ZFC3H1: variants seen among roughly 807,000 people sequenced by gnomAD.
ZFC3H1 encodes the protein zinc finger C3H1-type containing.
ZFC3H1 carries 71 observed loss-of-function variants against 243.7 expected under a neutral mutation model. The ratio of observed to expected loss-of-function variants is 0.29; its 90% confidence interval spans 0.24 to 0.36. The LOEUF is 0.36. Ranked by LOEUF, ZFC3H1 falls within the 10% of genes least tolerant of loss-of-function variation. The pLI, the probability that ZFC3H1 is intolerant of heterozygous loss-of-function variation, is 1.00. For synonymous variants in ZFC3H1, 838 were observed against 813.0 expected, an observed-to-expected ratio of 1.03 and a Z score of -0.52; for missense variants, 1,966 against 2,317.1, an observed-to-expected ratio of 0.85 and a Z score of 3.11.
chr12:71,628,835 C>T, intron 20 of ZFC3H1, 83 bp downstream of exon 20: 1 of 1,439,106 alleles, frequency 6.9e-7, no homozygotes, highest in Non-Finnish European at 9.1e-7. Context: ...CAGGCTGATA[C>T]ACCAAAGGAT....
At chr12:71,621,863 C>T (rs982709836) in intron 24 of ZFC3H1, among the ~76,000 whole-genome samples, 1 of 151,390 alleles carries the variant, frequency 6.6e-6, no homozygotes, top group East Asian at 1.9e-4. Context: ...CTCTAATATC[C>T]TCCTTACCAG....
chr12:71,638,427 A>G lies in ZFC3H1; in HGVS notation c.1716T>C (p.Pro572=). Residue 572 remains proline, a synonymous_variant, in exon 7 of 35, where the codon CCT becomes CCC. Coordinates refer to ENST00000378743, the MANE Select transcript of ZFC3H1 (RefSeq NM_144982.5). ...ATCAATTCTGACTTACAGAAACCTG[A>G]GGTGGTGGAGGCAAAGAAAGAGATG... The part of the protein sequence containing the change: ...PAPSLSLPPP[P]QVSSLPPLSQ... 3.1e-6 allele frequency: 5 copies of G among 1,611,976 alleles called. No individual in the cohort carries two copies. Among genetic ancestry groups the G allele is most frequent in the Non-Finnish European group, 3.4e-6 (4 of 1,179,260 alleles).
At chr12:71,633,639 G>C (rs1247619821) in intron 12 of ZFC3H1, among the ~76,000 whole-genome samples, 3 of 152,010 alleles carry the variant, frequency 2.0e-5, no homozygotes, top group African/African-American at 7.3e-5. Context: ...GTAACTATGA[G>C]ACTGATCTTT....
At chr12:71,622,504 C>G (rs559080501) in intron 24 of ZFC3H1, among the ~76,000 whole-genome samples, 2 of 151,908 alleles carry the variant, frequency 1.3e-5, no homozygotes, top group Admixed American at 1.3e-4. Flanking sequence ...ACTCTGTTAT[C>G]CAGGCTGAAG....
At chr12:71,634,333 T>C in intron 11 of ZFC3H1, 29 bp from the exon 12 acceptor site, 1 of 1,600,920 alleles carries the variant, frequency 6.2e-7, no homozygotes, top group African/African-American at 1.3e-5. Context: ...ATATATGCAT[T>C]ACACCCAAGA....
chr12:71,623,779 T>A (rs935218463), intron 23 of ZFC3H1, among the ~76,000 whole-genome samples, 182 bp from the exon 24 acceptor site: 1 of 152,178 alleles, frequency 6.6e-6, no homozygotes, highest in African/African-American at 2.4e-5. Flanking sequence ...AAAAAAAATC[T>A]TTTAAACCAC....
chr12:71,629,294 T>C (rs1443155195), intron 19 of ZFC3H1, among the ~76,000 whole-genome samples: 3 of 151,756 alleles, frequency 2.0e-5, no homozygotes, highest in African/African-American at 7.3e-5. Context: ...GCCTCCCAAG[T>C]AGCTGAGGCT....
intron 9 of ZFC3H1, 87 bp downstream of exon 9, chr12:71,636,403 C>A: frequency 7.8e-7 from 1 of 1,285,190 alleles, no homozygotes; most frequent in Non-Finnish European, 1.1e-6. Context: ...TATAAATAAA[C>A]CAAGGGGTAG....
intron 21 of ZFC3H1, 81 bp downstream of exon 21, chr12:71,627,670 C>A: frequency 1.5e-6 from 2 of 1,351,958 alleles, no homozygotes. Context: ...AGAAACCTGA[C>A]TGATTACCAT....
At chr12:71,626,206 T>TTA (rs1880160360) in intron 22 of ZFC3H1, 54 bp downstream of exon 22, 3 of 1,196,098 alleles carry the variant, frequency 2.5e-6, no homozygotes, top group Admixed American at 3.6e-5. Context: ...ATCCAAATAA[T>TTA]TATACACACA....
chr12:71,662,345 G>C (rs1392231588), intron 1 of ZFC3H1, among the ~76,000 whole-genome samples: 2 of 152,018 alleles, frequency 1.3e-5, no homozygotes, highest in Admixed American at 6.6e-5. Flanking sequence ...TCTCTCTCTG[G>C]CCCTCATTTA....
chr12:71,648,984 G>A (rs189141676), intron 2 of ZFC3H1, among the ~76,000 whole-genome samples: 20 of 151,824 alleles, frequency 1.3e-4, no homozygotes, highest in East Asian at 7.8e-4. Flanking sequence ...CCAGCTACTC[G>A]GAAGGCTGAG....
intron 6 of ZFC3H1, chr12:71,639,470 A>AT (rs1880546315): frequency 5.6e-6 from 1 of 179,526 alleles, no homozygotes; most frequent in Non-Finnish European, 1.2e-5. Context: ...TTGAATGTTT[A>AT]ATAGTCAGAC....
chr12:71,617,402 T>C (rs1324560994), intron 27 of ZFC3H1, among the ~76,000 whole-genome samples: 4 of 152,228 alleles, frequency 2.6e-5, no homozygotes, highest in Non-Finnish European at 5.9e-5. Flanking sequence ...CAGTGAATTA[T>C]GACTATTTCC....
At chr12:71,611,183 G>A (rs1355224079) in intron 32 of ZFC3H1, 86 bp from the exon 33 acceptor site, 2 of 1,309,526 alleles carry the variant, frequency 1.5e-6, no homozygotes, top group East Asian at 2.7e-5. Context: ...ACCACCACTG[G>A]CAGAATACTG....
chr12:71,631,814 G>C lies in ZFC3H1; in HGVS notation c.3434C>G (p.Pro1145Arg). ...TMEVKPCPFR[P>R]YHSPLLVFKS... The stretch of plus-strand genomic sequence containing the variant: ...AAAAACTAGAAGAGGACTATGGTAG[G>C]GTCTAAAAGGACATGGCTTCACTTC... The change falls in exon 16 of 35, where the codon CCC (proline) becomes CGC (arginine). Residue 1145 changes from proline to arginine, a missense_variant. Pro to Arg is a moderately radical substitution (Grantham distance 103). Coordinates refer to ENST00000378743, the MANE Select transcript of ZFC3H1 (RefSeq NM_144982.5). 6.2e-7 allele frequency: 1 copy of C among 1,613,512 alleles called. No individual in the cohort carries two copies. The highest frequency in any genetic ancestry group is 8.5e-7 in the Non-Finnish European group (1 of 1,179,692).
Position 71,610,685 on chromosome 12 carries a change from AAAGCATT to A in ZFC3H1, c.5832+3_5832+9del. On this transcript the variant is annotated splice_donor_5th_base_variant and intron_variant, in intron 34 of 34. Transcript: ENST00000378743. The stretch of plus-strand genomic sequence containing the variant: ...AACATCGAGATAAAATAAAAGATAA[AAAGCATT>A]ACATCTTTCCACAGTGATGCACAAA... The A allele has an allele frequency of 6.2e-7, 1 of 1,613,032 alleles. No homozygotes were observed. The highest frequency in any genetic ancestry group is 8.5e-7 in the Non-Finnish European group (1 of 1,179,498).
At chr12:71,637,940 G>A (rs1343540462) in intron 7 of ZFC3H1, among the ~76,000 whole-genome samples, 2 of 151,848 alleles carry the variant, frequency 1.3e-5, no homozygotes, top group African/African-American at 2.4e-5. Flanking sequence ...TTTAGTGGGA[G>A]GACTGGAGAT....
chr12:71,661,778 G>A (rs1456306966), intron 1 of ZFC3H1, among the ~76,000 whole-genome samples: 1 of 152,160 alleles, frequency 6.6e-6, no homozygotes, highest in Non-Finnish European at 1.5e-5. Flanking sequence ...ACCACGCCTG[G>A]CGCCTACATG....
Sources: gnomAD v4.1 joint callset for allele counts (sites outside exome capture counted in the v4.1 genomes callset) on GRCh38, gnomAD v4.1.1 for gene constraint, MANE v1.5 for transcripts, NCBI Gene and HGNC (gene_info 2026-07-23, HGNC 2026-07-21) for gene names.